PDZRN4: variants seen among roughly 807,000 people sequenced by gnomAD.
The protein encoded by PDZRN4 is PDZ domain-containing RING finger protein 4.
In PDZRN4, 70 loss-of-function variants were observed where a neutral mutation model predicts 99.0. The ratio of observed to expected loss-of-function variants is 0.71; its 90% confidence interval spans 0.58 to 0.86. PDZRN4 has a LOEUF of 0.86. Among genes scored for constraint, PDZRN4 ranks in the 40% least tolerant of loss-of-function variants. The probability of loss-of-function intolerance (pLI) is 0.00; values close to 1 mark genes in which losing one functional copy is unlikely to be tolerated. For synonymous variants in PDZRN4, 551 were observed against 501.6 expected, an observed-to-expected ratio of 1.10 and a Z score of -1.32; for missense variants, 1,474 against 1,331.2, an observed-to-expected ratio of 1.11 and a Z score of -1.67.
chr12:41,303,806 C>G (rs1951552282), intron 3 of PDZRN4, among the ~76,000 whole-genome samples: 1 of 152,130 alleles, frequency 6.6e-6, no homozygotes, highest in South Asian at 2.1e-4. Flanking sequence ...TGAGTATGCT[C>G]AGAGTTCTGG....
chr12:41,553,977 T>A (rs1012372507), intron 6 of PDZRN4, among the ~76,000 whole-genome samples: 2 of 152,150 alleles, frequency 1.3e-5, no homozygotes, highest in Non-Finnish European at 2.9e-5. Flanking sequence ...GAAGAGATAA[T>A]GTAATTAATG....
At chr12:41,263,187 CT>C (rs148324546) in intron 3 of PDZRN4, among the ~76,000 whole-genome samples, 1 of 151,932 alleles carries the variant, frequency 6.6e-6, no homozygotes, top group Non-Finnish European at 1.5e-5. Flanking sequence ...ATGCTGATAC[CT>C]TTTTTTGGTG....
chr12:41,197,918 G>GTTTTTTTTTTTTTTTT (rs1491129322), intron 3 of PDZRN4, among the ~76,000 whole-genome samples: 33 of 114,554 alleles, frequency 2.9e-4, no homozygotes, highest in East Asian at 1.8e-3. Context: ...TGTTTTTTCT[G>GTTTTTTTTTTTTTTTT]GGTTTTTTTT....
chr12:41,331,056 C>T (rs1276835386), intron 3 of PDZRN4, among the ~76,000 whole-genome samples: 1 of 152,052 alleles, frequency 6.6e-6, no homozygotes, highest in Admixed American at 6.6e-5. Context: ...TCTGAATAGA[C>T]TTTGGGGAAG....
intron 3 of PDZRN4, among the ~76,000 whole-genome samples, chr12:41,370,861 TA>T (rs1462111364): frequency 2.0e-5 from 3 of 151,860 alleles, no homozygotes; most frequent in Non-Finnish European, 4.4e-5. Flanking sequence ...TTATTTTTAT[TA>T]TTCTATTTTA....
At position 41,189,024 on chromosome 12, in the gene PDZRN4, G is replaced by A. The variant is rs774460540; in HGVS notation, c.569G>A (p.Arg190His). 16 of 1,563,474 alleles carry A rather than the reference G, an allele frequency of 1.0e-5. No homozygotes were observed. The highest frequency in any genetic ancestry group is 1.3e-5 in the Non-Finnish European group (15 of 1,162,930). ...CAGGGCGAGGTGCAGCTCACGGCGC[G>A]CAGGTACCAGGAGAAGTTCACCCAA... ...ALQGEVQLTA[R>H]RYQEKFTQYM... is the part of the protein sequence containing the mutation. Residue 190 changes from arginine (R) to histidine (H), a missense_variant, in exon 1 of 10, where the codon CGC (arginine) becomes CAC (histidine). Physicochemically the swap from Arg to His is conservative, Grantham distance 29. Coordinates refer to ENST00000402685, the MANE Select transcript of PDZRN4 (RefSeq NM_001164595.2).
intron 3 of PDZRN4, among the ~76,000 whole-genome samples, chr12:41,256,275 C>T (rs1301783814): frequency 1.3e-5 from 2 of 152,012 alleles, no homozygotes; most frequent in Non-Finnish European, 2.9e-5. Flanking sequence ...TTCTTGAATA[C>T]TTTCTAAGGT....
At chr12:41,435,464 A>T (rs1952620764) in intron 3 of PDZRN4, among the ~76,000 whole-genome samples, 1 of 152,166 alleles carries the variant, frequency 6.6e-6, no homozygotes, top group African/African-American at 2.4e-5. Flanking sequence ...GCCTTACTGC[A>T]CTCTAATTCC....
chr12:41,482,073 A>G (rs1459827764), intron 3 of PDZRN4, among the ~76,000 whole-genome samples: 1 of 152,166 alleles, frequency 6.6e-6, no homozygotes, highest in Non-Finnish European at 1.5e-5. Context: ...CATTCCACAA[A>G]TAACTGTTCC....
chr12:41,567,939 C>T (rs372086451), intron 9 of PDZRN4, 40 bp downstream of exon 9: 41 of 1,184,952 alleles, frequency 3.5e-5, no homozygotes, highest in Non-Finnish European at 4.6e-5. Context: ...TGATATGTTG[C>T]TTGTTCTTTT....
At chr12:41,523,921 T>G (rs748938957) in intron 5 of PDZRN4, among the ~76,000 whole-genome samples, 7 of 152,212 alleles carry the variant, frequency 4.6e-5, no homozygotes, top group Non-Finnish European at 1.0e-4. Context: ...AATCTGTGCA[T>G]GTTTAATGTG....
At chr12:41,571,370 T>TCACACA (rs1277190258) in intron 9 of PDZRN4, among the ~76,000 whole-genome samples, 1 of 94,076 alleles carries the variant, frequency 1.1e-5, no homozygotes, top group African/African-American at 6.3e-5. Context: ...TCTCTCTCTC[T>TCACACA]CTCTCTCACA....
intron 3 of PDZRN4, among the ~76,000 whole-genome samples, chr12:41,505,300 T>G (rs565595449): frequency 4.6e-5 from 7 of 152,148 alleles, no homozygotes; most frequent in Admixed American, 4.6e-4. Flanking sequence ...TTCAGGGATA[T>G]TGGGCACAGT....
chr12:41,392,076 A>G (rs551105226), intron 3 of PDZRN4, among the ~76,000 whole-genome samples: 32 of 152,318 alleles, frequency 2.1e-4, no homozygotes, highest in African/African-American at 6.7e-4. Context: ...GTCACATAAA[A>G]TGTACTGATA....
chr12:41,271,744 G>T (rs1405799027), intron 3 of PDZRN4, among the ~76,000 whole-genome samples: 1 of 152,080 alleles, frequency 6.6e-6, no homozygotes, highest in African/African-American at 2.4e-5. Context: ...ATTCACATTT[G>T]CAAGTGGATG....
intron 3 of PDZRN4, among the ~76,000 whole-genome samples, chr12:41,498,941 G>C (rs116577538): frequency 6.6e-6 from 1 of 152,074 alleles, no homozygotes. Context: ...AGTCAGAAGA[G>C]TTTCATGCTT....
intron 3 of PDZRN4, among the ~76,000 whole-genome samples, chr12:41,304,504 A>G (rs1340626365): frequency 2.6e-5 from 4 of 152,142 alleles, no homozygotes; most frequent in Admixed American, 2.0e-4. Context: ...CAGATATATC[A>G]TATATTTGTT....
At chr12:41,244,412 T>C (rs986666652) in intron 3 of PDZRN4, among the ~76,000 whole-genome samples, 7 of 152,210 alleles carry the variant, frequency 4.6e-5, no homozygotes, top group Non-Finnish European at 1.5e-5. Flanking sequence ...ATGTTACTCC[T>C]CTGCTCAAAG....
Position 41,197,920 on chromosome 12 carries a change from G to GTTTTTCTTTTTTTTTTTTTTTT in PDZRN4, c.843+3737_843+3738insCTTTTTTTTTTTTTTTTTTTTT, listed in dbSNP as rs1950786628. Among the ~76,000 whole-genome samples the GTTTTTCTTTTTTTTTTTTTTTT allele has an allele frequency of 1.7e-5, 2 of 115,602 alleles. 1 individual carries two copies. Among genetic ancestry groups the GTTTTTCTTTTTTTTTTTTTTTT allele is most frequent in the African/African-American group, 6.6e-5 (2 of 30,396 alleles). 75.8% of individuals were successfully genotyped at this position (115,602 alleles called of 152,430 possible). On this transcript the variant is annotated intron_variant, in intron 3 of 9. Coordinates refer to ENST00000402685, the MANE Select transcript of PDZRN4 (RefSeq NM_001164595.2). ...TTCTTCTTTTCCTTGTTTTTTCTGG[G>GTTTTTCTTTTTTTTTTTTTTTT]TTTTTTTTTTTGGAGACAGGATCTT... is the stretch of plus-strand genomic sequence containing the variant.
Sources: gnomAD v4.1 joint callset for allele counts (sites outside exome capture counted in the v4.1 genomes callset) on GRCh38, gnomAD v4.1.1 for gene constraint, MANE v1.5 for transcripts, NCBI Gene and HGNC (gene_info 2026-07-23, HGNC 2026-07-21) for gene names.